The following FAM13A variants were observed in gnomAD, a reference collection of about 807,000 sequenced individuals.
The protein encoded by FAM13A is family with sequence similarity 13 member A.
A neutral mutation model predicts 129.6 loss-of-function variants in FAM13A; 76 were observed. The observed-to-expected ratio is 0.59, with a 90% CI of 0.49 to 0.71. The LOEUF (loss-of-function observed/expected upper bound fraction) is 0.71. Ranked by LOEUF, FAM13A falls within the 30% of genes least tolerant of loss-of-function variation. FAM13A has a pLI of 0.00. For missense variants in FAM13A, 1,108 were observed against 1,249.3 expected (o/e 0.89, Z 1.70); for synonymous variants, 443 against 449.9 (o/e 0.98, Z 0.20).
chr4:88,739,130 AAAGC>A lies in FAM13A; in HGVS notation c.2467-9_2467-6del. The A allele has an allele frequency of 1.9e-6, 3 of 1,609,518 alleles. No individual in the cohort carries two copies. Among genetic ancestry groups the A allele is most frequent in the Non-Finnish European group, 1.7e-6 (2 of 1,175,906 alleles). Reference sequence around the variant, plus strand: ...CTGCCGTTCGTTCTTTGTTACCTGAAAAGCAAGAATGAGAGCTATGAGAAGCCTG... The same window carrying A: ...CTGCCGTTCGTTCTTTGTTACCTGAAAAGAATGAGAGCTATGAGAAGCCTG... On this transcript the variant is annotated splice_polypyrimidine_tract_variant and splice_region_variant and intron_variant, in intron 19 of 23. Coordinates refer to ENST00000264344, the MANE Select transcript of FAM13A (RefSeq NM_014883.4).
At chr4:88,822,857 A>G (rs1379582941) in intron 7 of FAM13A, 4 of 1,431,766 alleles carry the variant, frequency 2.8e-6, no homozygotes, top group Non-Finnish European at 3.7e-6. Context: ...CCATATGTAC[A>G]ACGGACTCTA....
rs550055917 is a variant in FAM13A at position 88,902,398 on chromosome 4, G to A, written c.843+3981C>T. Among the ~76,000 whole-genome samples, 5 of 152,076 alleles carry A rather than the reference G, an allele frequency of 3.3e-5. No individual in the cohort carries two copies. The South Asian group carries it at 1.0e-3, about 32-fold the overall frequency. On this transcript the variant is annotated intron_variant, in intron 6 of 23. Coordinates refer to ENST00000264344, the MANE Select transcript of FAM13A (RefSeq NM_014883.4). ...ACCAAATCCAGCAACACATCAAAAA[G>A]CATATGCACCATGATCAAGTCAGCT... is the stretch of plus-strand genomic sequence containing the variant.
intron 4 of FAM13A, among the ~76,000 whole-genome samples, chr4:88,951,207 A>G (rs1415940222): frequency 6.6e-6 from 1 of 152,044 alleles, no homozygotes; most frequent in East Asian, 1.9e-4. Flanking sequence ...GATCCCCTCC[A>G]TTTCTTTAAT....
intron 13 of FAM13A, among the ~76,000 whole-genome samples, chr4:88,762,460 C>T (rs535667519): frequency 6.6e-6 from 1 of 152,282 alleles, no homozygotes; most frequent in Non-Finnish European, 1.5e-5. Context: ...CTGGCCCTGT[C>T]CTGCTGTGCT....
At chr4:88,757,639 C>T (rs938493899) in intron 14 of FAM13A, among the ~76,000 whole-genome samples, 1 of 152,108 alleles carries the variant, frequency 6.6e-6, no homozygotes, top group Non-Finnish European at 1.5e-5. Context: ...AACCCACTGC[C>T]TAATTATATA....
At chr4:88,747,144 A>G (rs1245243945) in intron 18 of FAM13A, 129 bp from the exon 19 acceptor site, 8 of 645,504 alleles carry the variant, frequency 1.2e-5, no homozygotes, top group Non-Finnish European at 2.2e-5. Context: ...AGCTCTATCC[A>G]AAGTTCATTT....
chr4:88,802,616 T>C (rs1225699154), intron 8 of FAM13A, among the ~76,000 whole-genome samples: 1 of 152,142 alleles, frequency 6.6e-6, no homozygotes, highest in Non-Finnish European at 1.5e-5. Context: ...TTATAGAAAC[T>C]GAAATTCCAT....
intron 21 of FAM13A, among the ~76,000 whole-genome samples, chr4:88,736,876 A>G (rs1454627607): frequency 6.6e-6 from 1 of 152,234 alleles, no homozygotes; most frequent in Non-Finnish European, 1.5e-5. Flanking sequence ...TTAAGAGCAG[A>G]TTTTAAAATT....
At chr4:89,043,564 T>C (rs546584137) in intron 1 of FAM13A, among the ~76,000 whole-genome samples, 1 of 152,170 alleles carries the variant, frequency 6.6e-6, no homozygotes, top group East Asian at 1.9e-4. Context: ...AAAAGGATCA[T>C]GGACAGCATT....
Position 88,750,440 on chromosome 4 carries a change from A to C in FAM13A, c.1924T>G (p.Ser642Ala), listed in dbSNP as rs115046131. ...DTEVPPSPPN[S>A]HSFMRRRSSS... Reference sequence around the variant, plus strand: ...GAAACATACCTCATGAAAGAATGGGAGTTTGGTGGGGAAGGAGGCACTTCT... The same window carrying C: ...GAAACATACCTCATGAAAGAATGGGCGTTTGGTGGGGAAGGAGGCACTTCT... Residue 642 changes from serine to alanine, a missense_variant, in exon 15 of 24, where the codon TCC becomes GCC. Around this residue, in one of 3 missense-constraint regions of FAM13A, gnomAD observed 529 missense variants for 621.2 expected, o/e 0.85. Coordinates refer to ENST00000264344, the MANE Select transcript of FAM13A (RefSeq NM_014883.4). 620 of 1,613,594 alleles carry C rather than the reference A, an allele frequency of 3.8e-4. 2 individuals are homozygous for C. The East Asian group carries it at 1.0e-2, about 26-fold the overall frequency.
intron 3 of FAM13A, among the ~76,000 whole-genome samples, chr4:88,995,069 C>T (rs975579894): frequency 4.6e-5 from 7 of 150,954 alleles, no homozygotes; most frequent in African/African-American, 9.9e-5. Flanking sequence ...GTTGCACACA[C>T]GCATCCAAAA....
chr4:88,834,581 GA>G (rs1305544893), intron 7 of FAM13A, among the ~76,000 whole-genome samples: 4 of 151,932 alleles, frequency 2.6e-5, no homozygotes, highest in Admixed American at 6.6e-5. Context: ...ATACTAAGTA[GA>G]AAAAAATGCA....
chr4:88,918,447 G>GT (rs1750462702), intron 5 of FAM13A, among the ~76,000 whole-genome samples: 1 of 152,198 alleles, frequency 6.6e-6, no homozygotes, highest in African/African-American at 2.4e-5. Flanking sequence ...CCTACACTTA[G>GT]TAAGTGGCAA....
At chr4:89,017,437 C>T (rs1401513386) in intron 3 of FAM13A, among the ~76,000 whole-genome samples, 2 of 151,782 alleles carry the variant, frequency 1.3e-5, no homozygotes, top group East Asian at 1.9e-4. Flanking sequence ...TGGCGACTCA[C>T]AAAGACCTAA....
At chr4:89,027,057 G>A (rs746934138) in intron 2 of FAM13A, among the ~76,000 whole-genome samples, 70 of 152,120 alleles carry the variant, frequency 4.6e-4, no homozygotes, top group Non-Finnish European at 6.5e-4. Flanking sequence ...CCACCTTACC[G>A]GCAGGGGATA....
At chr4:88,878,311 A>G (rs2150113561) in intron 6 of FAM13A, among the ~76,000 whole-genome samples, 1 of 148,946 alleles carries the variant, frequency 6.7e-6, no homozygotes, top group South Asian at 2.1e-4. Context: ...AAAAAAAAAA[A>G]AAAAAGAAAT....
intron 5 of FAM13A, among the ~76,000 whole-genome samples, chr4:88,923,068 A>C (rs955456210): frequency 6.6e-6 from 1 of 152,174 alleles, no homozygotes; most frequent in Admixed American, 6.5e-5. Context: ...ATAGCTTACC[A>C]ACCAAAAAGG....
At chr4:88,874,531 C>T (rs755635022) in intron 6 of FAM13A, among the ~76,000 whole-genome samples, 7 of 152,084 alleles carry the variant, frequency 4.6e-5, no homozygotes, top group Non-Finnish European at 8.8e-5. Flanking sequence ...GAGTGAACTC[C>T]CATTCACAAT....
Position 88,790,616 on chromosome 4 carries a change from G to A in FAM13A, c.1061C>T (p.Pro354Leu). 1 of 1,611,614 alleles carries A rather than the reference G, an allele frequency of 6.2e-7. No individual in the cohort carries two copies. Among genetic ancestry groups the A allele is most frequent in the Non-Finnish European group, 8.5e-7 (1 of 1,178,840 alleles). Residue 354 changes from proline (P) to leucine (L), a missense_variant, in exon 9 of 24, where the codon CCC becomes CTC. Pro to Leu is a moderately conservative substitution (Grantham distance 98). Coordinates refer to ENST00000264344, the MANE Select transcript of FAM13A (RefSeq NM_014883.4). ...GGTTGCAGACACATTGCTGACTTGG[G>A]GTACATGAGCACTGCAGAAAAGAAG... ...LSPFYLSAHVPQVSNVSATGE... is the reference protein window; with the variant it reads ...LSPFYLSAHVLQVSNVSATGE...
Sources: gnomAD v4.1 joint callset for allele counts (sites outside exome capture counted in the v4.1 genomes callset) on GRCh38, gnomAD v4.1.1 for gene constraint, gnomAD v4.1.1 regional missense constraint, MANE v1.5 for transcripts, NCBI Gene and HGNC (gene_info 2026-07-23, HGNC 2026-07-21) for gene names.